The following COTL1 variants were observed in gnomAD, a reference collection of about 807,000 sequenced individuals.
The protein encoded by COTL1 is coactosin like F-actin binding protein 1.
In COTL1, 15 loss-of-function variants were observed where a neutral mutation model predicts 16.5. That is an observed-to-expected ratio of 0.91 (90% confidence interval 0.61 to 1.40). The LOEUF (loss-of-function observed/expected upper bound fraction) is 1.40. Ranked by LOEUF, COTL1 falls within the 40% of genes most tolerant of loss-of-function variation. COTL1 has a pLI of 0.00. For synonymous variants in COTL1, 112 were observed against 85.3 expected (o/e 1.31, Z -1.73); for missense variants, 220 against 201.5 (o/e 1.09, Z -0.56).
Position 84,579,715 on chromosome 16 carries a change from C to A in COTL1, c.318+10390G>T, listed in dbSNP as rs538863854. Among the ~76,000 whole-genome samples, 19 of 152,216 alleles carry A rather than the reference C, an allele frequency of 1.2e-4. 1 individual carries two copies. Among genetic ancestry groups the A allele is most frequent in the African/African-American group, 4.1e-4 (17 of 41,542 alleles). Reference sequence around the variant, plus strand: ...AAACCACCACGGGGCGAAGACTAAGCGTGTGTGCTTGTTTCATAAGGGAAT... The same window carrying A: ...AAACCACCACGGGGCGAAGACTAAGAGTGTGTGCTTGTTTCATAAGGGAAT... On this transcript the variant is annotated intron_variant, in intron 3 of 3. Transcript: ENST00000262428.
At chr16:84,597,111 A>G (rs181275536) in intron 2 of COTL1, among the ~76,000 whole-genome samples, 1 of 152,258 alleles carries the variant, frequency 6.6e-6, no homozygotes, top group East Asian at 1.9e-4. Context: ...TAGAATGGGG[A>G]CCACTTTCTG....
chr16:84,581,164 A>ATGTATGTATGT (rs1391540848), intron 3 of COTL1, among the ~76,000 whole-genome samples: 377 of 147,014 alleles, frequency 2.6e-3, no homozygotes, highest in African/African-American at 5.3e-3. Context: ...CAAACAAATA[A>ATGTATGTATGT]ATATATGTAT....
At chr16:84,600,684 G>A (rs1905090549) in intron 2 of COTL1, among the ~76,000 whole-genome samples, 1 of 152,158 alleles carries the variant, frequency 6.6e-6, no homozygotes, top group Admixed American at 6.5e-5. Context: ...CTGCATTGGA[G>A]CTCACACTGT....
chr16:84,614,023 A>C (rs1333051493), intron 2 of COTL1, among the ~76,000 whole-genome samples: 2 of 152,090 alleles, frequency 1.3e-5, no homozygotes, highest in African/African-American at 4.8e-5. Flanking sequence ...CCCTCCCCGC[A>C]AGAATGGAGG....
In COTL1 at chr16:84,617,854, C is replaced by T; in HGVS notation, c.61G>A (p.Gly21Ser). 1.3e-6 allele frequency: 2 copies of T among 1,575,366 alleles called. No homozygotes were observed. The highest frequency in any genetic ancestry group is 1.7e-6 in the Non-Finnish European group (2 of 1,161,616). The change falls in exon 1 of 4, where the codon GGC (glycine) becomes AGC (serine). Residue 21 changes from glycine (G) to serine (S), a missense_variant. Gly to Ser is a moderately conservative substitution (Grantham distance 56, BLOSUM62 0). Transcript: ENST00000262428. The stretch of plus-strand genomic sequence containing the variant: ...AGTTCCTACCAGATGACGGCCGAGC[C>T]GTCGTCGCGCACCAGGTTGTACGCC... ...RAAYNLVRDD[G>S]SAVIWVTFKY...
At chr16:84,589,788 C>T (rs535913620) in intron 3 of COTL1, among the ~76,000 whole-genome samples, 4 of 152,130 alleles carry the variant, frequency 2.6e-5, no homozygotes, top group South Asian at 2.1e-4. Flanking sequence ...GGGTAGTGGC[C>T]GCTATTCTGG....
intron 2 of COTL1, among the ~76,000 whole-genome samples, chr16:84,606,920 T>A (rs1905222044): frequency 6.6e-6 from 1 of 152,144 alleles, no homozygotes; most frequent in Non-Finnish European, 1.5e-5. Flanking sequence ...GCATTACGGG[T>A]TCTCTTCTAT....
chr16:84,615,643 C>T (rs541924317), intron 2 of COTL1, among the ~76,000 whole-genome samples: 241 of 152,254 alleles, frequency 1.6e-3, no homozygotes, highest in African/African-American at 5.6e-3. Flanking sequence ...TGGCTGTTCA[C>T]GGACCGGAGG....
In COTL1 at chr16:84,579,068, C is replaced by G. The variant is rs550147024; in HGVS notation, c.318+11037G>C. 9.9e-5 allele frequency among the ~76,000 whole-genome samples: 15 copies of G among 151,490 alleles called. No individual in the cohort carries two copies. In the South Asian group the frequency reaches 2.7e-3, roughly 27 times the overall value. On this transcript the variant is annotated intron_variant, in intron 3 of 3. Transcript: ENST00000262428. Reference sequence around the variant, plus strand: ...ACACATACACATATATACACACAGGCACACACACATCCACTCCCACACACA... The same window carrying G: ...ACACATACACATATATACACACAGGGACACACACATCCACTCCCACACACA...
intron 2 of COTL1, among the ~76,000 whole-genome samples, chr16:84,597,147 G>A (rs1287696916): frequency 6.6e-6 from 1 of 152,192 alleles, no homozygotes; most frequent in Non-Finnish European, 1.5e-5. Flanking sequence ...TTCAGAGTGA[G>A]GCACTCCGAG....
intron 3 of COTL1, among the ~76,000 whole-genome samples, chr16:84,571,274 G>A (rs1279667842): frequency 6.6e-6 from 1 of 152,174 alleles, no homozygotes; most frequent in Non-Finnish European, 1.5e-5. Context: ...CCACGCCAGT[G>A]CAAAGCCGAG....
In COTL1 at chr16:84,598,375, G is replaced by A. The variant is rs112669009; in HGVS notation, c.161-8113C>T. Among the ~76,000 whole-genome samples, 1,361 of 152,262 alleles carry A rather than the reference G, an allele frequency of 8.9e-3. 14 individuals carry two copies. The highest frequency in any genetic ancestry group is 0.027 in the African/African-American group (1,138 of 41,542). ...GGCAGGGCCCTGAAGGTAGGTAAAG[G>A]GAGCCTCAGTCCAATGCCCAGGTCA... On this transcript the variant is annotated intron_variant, in intron 2 of 3. Coordinates refer to ENST00000262428, the MANE Select transcript of COTL1 (RefSeq NM_021149.5).
intron 3 of COTL1, among the ~76,000 whole-genome samples, chr16:84,574,357 A>T (rs1043756139): frequency 6.6e-6 from 1 of 152,210 alleles, no homozygotes; most frequent in Non-Finnish European, 1.5e-5. Flanking sequence ...GAGACTGCAC[A>T]GCAACATGTG....
At chr16:84,605,019 G>T (rs536456897) in intron 2 of COTL1, among the ~76,000 whole-genome samples, 2 of 152,086 alleles carry the variant, frequency 1.3e-5, no homozygotes, top group East Asian at 3.9e-4. Context: ...GGGAACACTC[G>T]GGTTCAGGAA....
intron 2 of COTL1, among the ~76,000 whole-genome samples, chr16:84,606,742 G>T (rs1441274638): frequency 1.3e-5 from 2 of 152,168 alleles, no homozygotes; most frequent in African/African-American, 2.4e-5. Context: ...CTCAACCAAT[G>T]GGGGATAAGA....
chr16:84,600,001 G>C (rs142065507), intron 2 of COTL1, among the ~76,000 whole-genome samples: 40 of 152,294 alleles, frequency 2.6e-4, no homozygotes, highest in African/African-American at 9.4e-4. Context: ...GGAGGGCTCA[G>C]TGGCCGCCCA....
intron 3 of COTL1, among the ~76,000 whole-genome samples, chr16:84,580,140 G>A (rs1286155275): frequency 1.3e-5 from 2 of 152,242 alleles, no homozygotes; most frequent in Non-Finnish European, 2.9e-5. Context: ...GGGCAGCCAG[G>A]TCACAGCCCG....
At chr16:84,605,541 CA>C (rs1274233889) in intron 2 of COTL1, among the ~76,000 whole-genome samples, 1 of 152,148 alleles carries the variant, frequency 6.6e-6, no homozygotes. Context: ...GGGTGACACC[CA>C]CGTGATCACT....
At chr16:84,612,945 A>G (rs1218468875) in intron 2 of COTL1, among the ~76,000 whole-genome samples, 3 of 151,852 alleles carry the variant, frequency 2.0e-5, no homozygotes, top group Non-Finnish European at 2.9e-5. Flanking sequence ...CACACACACA[A>G]TGAGTGAGAA....
Sources: allele counts gnomAD v4.1 joint callset (sites outside exome capture counted in the v4.1 genomes callset), GRCh38; gene constraint gnomAD v4.1.1; transcripts MANE v1.5; gene names NCBI Gene and HGNC (gene_info 2026-07-23, HGNC 2026-07-21).